Variants in ATP9B observed in about 807,000 individuals in gnomAD.
ATP9B encodes probable phospholipid-transporting ATPase IIB.
In ATP9B, 110 loss-of-function variants were observed where a neutral mutation model predicts 146.1. That is an observed-to-expected ratio of 0.75 (90% CI 0.65 to 0.88). The LOEUF (loss-of-function observed/expected upper bound fraction) is 0.88. Ranked by LOEUF, ATP9B falls within the 40% of genes least tolerant of loss-of-function variation. ATP9B has a pLI of 0.00. For synonymous variants in ATP9B, 604 were observed against 569.7 expected, an observed-to-expected ratio of 1.06 and a Z score of -0.86; for missense variants, 1,499 against 1,496.4, an observed-to-expected ratio of 1.00 and a Z score of -0.03.
intron 4 of ATP9B, among the ~76,000 whole-genome samples, chr18:79,119,616 G>A (rs2094153520): frequency 6.6e-6 from 1 of 152,128 alleles, no homozygotes; most frequent in African/African-American, 2.4e-5. Flanking sequence ...TTTTCCATTT[G>A]AATAATGCTT....
chr18:79,100,741 C>A (rs541032934), intron 2 of ATP9B, among the ~76,000 whole-genome samples: 2 of 152,282 alleles, frequency 1.3e-5, no homozygotes, highest in African/African-American at 4.8e-5. Context: ...TTCAGTTAGA[C>A]TCACAGTAGT....
chr18:79,172,668 C>T (rs2095096839), intron 7 of ATP9B, among the ~76,000 whole-genome samples: 1 of 152,290 alleles, frequency 6.6e-6, no homozygotes, highest in Admixed American at 6.5e-5. Flanking sequence ...CTGCTTAGCA[C>T]AACACCCTGG....
rs768563044 is a variant in ATP9B at position 79,096,479 on chromosome 18, C to A, written c.123C>A (p.Tyr41Ter). The change falls in exon 2 of 30, where the codon TAC becomes TAA. Residue 41 changes from tyrosine to a stop codon, truncating the protein, a stop_gained. Coordinates refer to ENST00000426216, the MANE Select transcript of ATP9B (RefSeq NM_198531.5). LOFTEE classifies it high-confidence loss of function. ...ACTCCATTTTTACCCTAACTAGGTA[C>A]CAGCTGGAGGATGAGTCTGCGCATT... ...PRPGADRHSRYQLEDESAHLD... is the reference protein window; with the variant it reads ...PRPGADRHSR 1 of 1,613,682 alleles carries A rather than the reference C, an allele frequency of 6.2e-7. No homozygotes were observed. Among genetic ancestry groups the A allele is most frequent in the South Asian group, 1.1e-5 (1 of 91,022 alleles).
intron 13 of ATP9B, among the ~76,000 whole-genome samples, chr18:79,302,341 C>G (rs751875423): frequency 6.6e-6 from 1 of 151,852 alleles, no homozygotes; most frequent in Admixed American, 6.6e-5. Context: ...ACACACCCCC[C>G]GGGGACAAGG....
At chr18:79,197,958 A>G (rs2095431958) in intron 9 of ATP9B, among the ~76,000 whole-genome samples, 1 of 152,230 alleles carries the variant, frequency 6.6e-6, no homozygotes, top group South Asian at 2.1e-4. Flanking sequence ...GAATATTAAA[A>G]TAACATTAGG....
intron 7 of ATP9B, among the ~76,000 whole-genome samples, chr18:79,173,904 G>A (rs1007978281): frequency 6.6e-6 from 1 of 152,174 alleles, no homozygotes; most frequent in African/African-American, 2.4e-5. Context: ...ATGGGACAAT[G>A]ATAGTCATGA....
intron 13 of ATP9B, among the ~76,000 whole-genome samples, chr18:79,297,546 A>G (rs2146331634): frequency 6.6e-6 from 1 of 152,350 alleles, no homozygotes; most frequent in South Asian, 2.1e-4. Context: ...TAGTGAGACA[A>G]ATGGGATGTG....
At chr18:79,338,486 C>T (rs999338184) in intron 19 of ATP9B, among the ~76,000 whole-genome samples, 2 of 152,168 alleles carry the variant, frequency 1.3e-5, no homozygotes, top group African/African-American at 2.4e-5. Flanking sequence ...GGCAGTGCCC[C>T]GTCTCATCCA....
At position 79,377,700 on chromosome 18, in the gene ATP9B, AC is replaced by A; in HGVS notation, c.*321del. The A allele has an allele frequency of 3.3e-6, 1 of 307,390 alleles. No homozygotes were observed. The allele number at this position is 307,390 out of a possible 1,614,324, so 19.0% of individuals were successfully genotyped here. The stretch of plus-strand genomic sequence containing the variant: ...CTCTCCCTCTCAGTGCAGGGACGTC[AC>A]CCCTGCCAGGCAAGCCCAGGGCACA... On this transcript the variant is annotated 3_prime_UTR_variant, in exon 30 of 30. Coordinates refer to ENST00000426216, the MANE Select transcript of ATP9B (RefSeq NM_198531.5).
chr18:79,355,245 A>G (rs1212700315), intron 25 of ATP9B, among the ~76,000 whole-genome samples: 3 of 152,248 alleles, frequency 2.0e-5, no homozygotes, highest in African/African-American at 4.8e-5. Flanking sequence ...GTCCCTTGCC[A>G]TACCAAGAAC....
intron 8 of ATP9B, among the ~76,000 whole-genome samples, chr18:79,181,440 C>G (rs942876194): frequency 2.0e-5 from 3 of 152,076 alleles, no homozygotes; most frequent in Admixed American, 1.3e-4. Context: ...GTCCAAACCC[C>G]TCTGAGACAT....
chr18:79,288,315 T>C (rs1206901497), intron 13 of ATP9B, among the ~76,000 whole-genome samples: 1 of 151,968 alleles, frequency 6.6e-6, no homozygotes, highest in Non-Finnish European at 1.5e-5. Flanking sequence ...ATTGGGTGCA[T>C]ATATATTTAG....
In ATP9B at chr18:79,233,944, G is replaced by A. The variant is rs541601709; in HGVS notation, c.1108-19437G>A. Among the ~76,000 whole-genome samples, 123 of 152,304 alleles carry A rather than the reference G, an allele frequency of 8.1e-4. 1 individual carries two copies. Among genetic ancestry groups the A allele is most frequent in the African/African-American group, 2.8e-3 (116 of 41,568 alleles). ...TATATTCACGCTTCATTCAGTGGAC[G>A]TGATCATCATAAAGGTCTTCATCCT... On this transcript the variant is annotated intron_variant, in intron 11 of 29. Coordinates refer to ENST00000426216, the MANE Select transcript of ATP9B (RefSeq NM_198531.5).
chr18:79,143,697 T>A (rs2094542010), intron 5 of ATP9B, 105 bp from the exon 6 acceptor site: 1 of 702,924 alleles, frequency 1.4e-6, no homozygotes. Context: ...TTTCTAAAGT[T>A]TTTTTTTCTG....
intron 9 of ATP9B, among the ~76,000 whole-genome samples, chr18:79,201,758 C>T (rs775608914): frequency 7.9e-5 from 12 of 151,958 alleles, no homozygotes; most frequent in Non-Finnish European, 1.6e-4. Flanking sequence ...TTAGTAGAGA[C>T]GGGGTTTCAC....
In ATP9B at chr18:79,338,115, A is replaced by G. The variant is rs147413935; in HGVS notation, c.2283+666A>G. On this transcript the variant is annotated intron_variant, in intron 19 of 29. Transcript: ENST00000426216. ...TGCTTCAGGGCATGTTAGAGTTGAGAATATAGAATACTCAGACGTGCACTA... is the reference window on the plus strand; with the variant it reads ...TGCTTCAGGGCATGTTAGAGTTGAGGATATAGAATACTCAGACGTGCACTA... 4.6e-5 allele frequency among the ~76,000 whole-genome samples: 7 copies of G among 152,346 alleles called. No individual in the cohort carries two copies. The East Asian group carries it at 1.2e-3, about 25-fold the overall frequency.
intron 11 of ATP9B, among the ~76,000 whole-genome samples, chr18:79,232,763 C>T (rs1158414077): frequency 6.6e-6 from 1 of 152,134 alleles, no homozygotes; most frequent in African/African-American, 2.4e-5. Flanking sequence ...GGAGAGATAA[C>T]TGTAATCAGA....
At chr18:79,113,514 C>T (rs2094009946) in intron 4 of ATP9B, among the ~76,000 whole-genome samples, 160 bp downstream of exon 4, 1 of 152,072 alleles carries the variant, frequency 6.6e-6, no homozygotes, top group Non-Finnish European at 1.5e-5. Flanking sequence ...GATTTCAGTC[C>T]CTCTGAGAAC....
At chr18:79,331,287 T>C (rs1269498763) in intron 17 of ATP9B, among the ~76,000 whole-genome samples, 1 of 152,192 alleles carries the variant, frequency 6.6e-6, no homozygotes, top group Non-Finnish European at 1.5e-5. Context: ...TCCTTCGGGG[T>C]GGTTTGATTT....
Sources: gnomAD v4.1 joint callset for allele counts (sites outside exome capture counted in the v4.1 genomes callset) on GRCh38, gnomAD v4.1.1 for gene constraint, MANE v1.5 for transcripts, NCBI Gene and HGNC (gene_info 2026-07-23, HGNC 2026-07-21) for gene names.